GPR39: variants seen among roughly 807,000 people sequenced by gnomAD.
GPR39 encodes G protein-coupled receptor 39, also known as zinc sensing receptor.
Under a neutral mutation model 18.4 loss-of-function variants are expected in GPR39, and 23 were observed. That is an observed-to-expected ratio of 1.25 (90% CI 0.90 to 1.77). The LOEUF (loss-of-function observed/expected upper bound fraction) is 1.77, where lower values mean the gene tolerates loss of function less well. Among genes scored for constraint, GPR39 ranks in the 40% most tolerant of loss-of-function variants. GPR39 has a pLI of 0.00. For synonymous variants in GPR39, 280 were observed against 257.9 expected, an observed-to-expected ratio of 1.09 and a Z score of -0.82; for missense variants, 647 against 602.4, an observed-to-expected ratio of 1.07 and a Z score of -0.78.
At chr2:132,546,839 CAAAAAAAAAAAA>C (rs60267293) in intron 1 of GPR39, among the ~76,000 whole-genome samples, 3 of 33,974 alleles carry the variant, frequency 8.8e-5, no homozygotes, top group Non-Finnish European at 1.2e-4. Context: ...AGCTCCACAG[CAAAAAAAAAAAA>C]AAAAAAAAAA....
At chr2:132,465,955 G>C (rs1207821528) in intron 1 of GPR39, among the ~76,000 whole-genome samples, 1 of 152,176 alleles carries the variant, frequency 6.6e-6, no homozygotes, top group Non-Finnish European at 1.5e-5. Context: ...TATATGTATA[G>C]TATTGATGAA....
At chr2:132,564,823 T>C (rs1352557508) in intron 1 of GPR39, among the ~76,000 whole-genome samples, 5 of 133,058 alleles carry the variant, frequency 3.8e-5, no homozygotes, top group African/African-American at 1.4e-4. Flanking sequence ...TTTTTTTTTT[T>C]TTTTTTTTGT....
intron 1 of GPR39, among the ~76,000 whole-genome samples, chr2:132,622,263 G>A (rs576052504): frequency 2.8e-4 from 42 of 152,078 alleles, no homozygotes; most frequent in African/African-American, 9.4e-4. Context: ...GTGTGGTGGC[G>A]CACACCTATA....
chr2:132,580,846 C>A (rs1234677628), intron 1 of GPR39, among the ~76,000 whole-genome samples: 1 of 151,488 alleles, frequency 6.6e-6, no homozygotes, highest in East Asian at 1.9e-4. Flanking sequence ...CCTGTAATCC[C>A]AGCTATTCAG....
chr2:132,438,375 C>T (rs997117886), intron 1 of GPR39, among the ~76,000 whole-genome samples: 1 of 152,080 alleles, frequency 6.6e-6, no homozygotes, highest in Non-Finnish European at 1.5e-5. Flanking sequence ...CTCAAGTGAT[C>T]CTCCTGTCTT....
Position 132,643,421 on chromosome 2 carries a change from G to C in GPR39, c.857-1680G>C, listed in dbSNP as rs749534965. On this transcript the variant is annotated intron_variant, in intron 1 of 1. Coordinates refer to ENST00000329321, the MANE Select transcript of GPR39 (RefSeq NM_001508.3). ...TTTGTGGAGGATTTGAACACAGCTA[G>C]GGTCCCCTCCAACAGCAGGCAAGGA... is the stretch of plus-strand genomic sequence containing the variant. Among the ~76,000 whole-genome samples the C allele has an allele frequency of 7.8e-4, 119 of 152,194 alleles. 1 individual carries two copies. The highest frequency in any genetic ancestry group is 1.6e-3 in the Non-Finnish European group (106 of 68,034).
At chr2:132,500,046 C>T (rs1678987617) in intron 1 of GPR39, among the ~76,000 whole-genome samples, 1 of 152,150 alleles carries the variant, frequency 6.6e-6, no homozygotes. Flanking sequence ...AGTTTGACTT[C>T]CTCTTTTCTG....
At chr2:132,574,163 CA>C (rs1680491549) in intron 1 of GPR39, among the ~76,000 whole-genome samples, 1 of 152,114 alleles carries the variant, frequency 6.6e-6, no homozygotes, top group Admixed American at 6.6e-5. Context: ...TGGATGTTTC[CA>C]ATGTCTTGTC....
chr2:132,586,215 GA>G (rs1286867603), intron 1 of GPR39, among the ~76,000 whole-genome samples: 4 of 152,100 alleles, frequency 2.6e-5, no homozygotes, highest in Non-Finnish European at 5.9e-5. Context: ...GTGGCGGGGA[GA>G]GGGGAGCAAC....
At chr2:132,456,061 C>T (rs1042679539) in intron 1 of GPR39, among the ~76,000 whole-genome samples, 2 of 152,188 alleles carry the variant, frequency 1.3e-5, no homozygotes, top group East Asian at 1.9e-4. Flanking sequence ...ATTGATCTGT[C>T]TAATATTGAC....
chr2:132,506,917 T>G (rs1216007623), intron 1 of GPR39, among the ~76,000 whole-genome samples: 2 of 152,176 alleles, frequency 1.3e-5, no homozygotes, highest in Non-Finnish European at 2.9e-5. Context: ...CTGCTTATTC[T>G]ATAACCCAAA....
intron 1 of GPR39, among the ~76,000 whole-genome samples, chr2:132,543,124 G>A (rs1013523009): frequency 1.3e-5 from 2 of 152,186 alleles, no homozygotes; most frequent in Admixed American, 6.5e-5. Context: ...TAGGCAAGTG[G>A]ACATTAAAGA....
chr2:132,527,061 C>T lies in GPR39; in HGVS notation c.856+109163C>T, dbSNP rs535831398. The stretch of plus-strand genomic sequence containing the variant: ...AACCCGTCATCTAGGTTTTAAGCCC[C>T]GCATGGATTAGGTATTTGTCCTAAT... On this transcript the variant is annotated intron_variant, in intron 1 of 1. Transcript: ENST00000329321. 1.2e-4 allele frequency among the ~76,000 whole-genome samples: 18 copies of T among 152,176 alleles called. No individual in the cohort carries two copies. The South Asian group carries it at 1.5e-3, about 12-fold the overall frequency.
intron 1 of GPR39, among the ~76,000 whole-genome samples, chr2:132,532,469 G>C (rs573448589): frequency 3.9e-5 from 6 of 152,216 alleles, no homozygotes; most frequent in African/African-American, 1.4e-4. Flanking sequence ...AATAGAAAAA[G>C]AGGGAATCCT....
At chr2:132,448,781 A>G (rs937988707) in intron 1 of GPR39, among the ~76,000 whole-genome samples, 4 of 152,182 alleles carry the variant, frequency 2.6e-5, no homozygotes, top group Non-Finnish European at 5.9e-5. Flanking sequence ...CCACCAACTC[A>G]CTTCTAAGTA....
intron 1 of GPR39, among the ~76,000 whole-genome samples, chr2:132,463,691 A>G (rs1318484218): frequency 6.6e-6 from 1 of 152,156 alleles, no homozygotes; most frequent in African/African-American, 2.4e-5. Flanking sequence ...CCCCAGTGTT[A>G]TTTATTAGTT....
intron 1 of GPR39, among the ~76,000 whole-genome samples, chr2:132,587,581 G>A (rs1205194560): frequency 6.6e-6 from 1 of 152,118 alleles, no homozygotes; most frequent in African/African-American, 2.4e-5. Context: ...GGCCAGGCTG[G>A]AATGCGGTAG....
At chr2:132,427,127 G>T (rs1222141153) in intron 1 of GPR39, among the ~76,000 whole-genome samples, 1 of 38,996 alleles carries the variant, frequency 2.6e-5, no homozygotes, top group Admixed American at 3.5e-4. Flanking sequence ...TACATATATA[G>T]GTACATATAT....
At chr2:132,642,824 C>T (rs1298295063) in intron 1 of GPR39, among the ~76,000 whole-genome samples, 1 of 152,162 alleles carries the variant, frequency 6.6e-6, no homozygotes, top group East Asian at 1.9e-4. Flanking sequence ...TGGGCAATAA[C>T]TCCTCAGATG....
Sources: gnomAD v4.1 joint callset for allele counts (sites outside exome capture counted in the v4.1 genomes callset) on GRCh38, gnomAD v4.1.1 for gene constraint, MANE v1.5 for transcripts, NCBI Gene and HGNC (gene_info 2026-07-23, HGNC 2026-07-21) for gene names.